STARD13: variants seen among roughly 807,000 people sequenced by gnomAD.
The protein encoded by STARD13 is stAR-related lipid transfer protein 13.
STARD13 carries 62 observed loss-of-function variants against 106.4 expected under a neutral mutation model. That is an observed-to-expected ratio of 0.58 (90% CI 0.48 to 0.72). The LOEUF is 0.72. STARD13 is among the 30% of genes least tolerant of loss of function. The probability of loss-of-function intolerance (pLI) is 0.00; values close to 1 mark genes in which losing one functional copy is unlikely to be tolerated. For synonymous variants in STARD13, 565 were observed against 553.0 expected, an observed-to-expected ratio of 1.02 and a Z score of -0.31; for missense variants, 1,387 against 1,424.0, an observed-to-expected ratio of 0.97 and a Z score of 0.42.
chr13:33,605,017 T>C, the STARD13 span, among the ~76,000 whole-genome samples: 1 of 151,728 alleles, frequency 6.6e-6, no homozygotes, highest in African/African-American at 2.4e-5. Context: ...CAAGGGAGGA[T>C]TGCTTGAGTC....
At chr13:33,215,433 T>C (rs544686725) in intron 1 of STARD13, among the ~76,000 whole-genome samples, 1 of 152,362 alleles carries the variant, frequency 6.6e-6, no homozygotes, top group South Asian at 2.1e-4. Flanking sequence ...CCTATAAACA[T>C]TCTTTCACTT....
At chr13:33,504,606 G>T in the STARD13 span, among the ~76,000 whole-genome samples, 36 of 125,166 alleles carry the variant, frequency 2.9e-4, no homozygotes, top group Admixed American at 3.4e-3. Flanking sequence ...GGCCTGTCAT[G>T]GGGTGGGGGG....
At chr13:33,547,675 C>T in the STARD13 span, among the ~76,000 whole-genome samples, 6 of 152,276 alleles carry the variant, frequency 3.9e-5, no homozygotes, top group Admixed American at 3.3e-4. Context: ...GCATTAAGTT[C>T]TTTTGAATAT....
the STARD13 span, among the ~76,000 whole-genome samples, chr13:33,377,445 G>A: frequency 6.6e-6 from 1 of 152,146 alleles, no homozygotes; most frequent in East Asian, 1.9e-4. Context: ...GAAGGTCAAA[G>A]GTCTTTTATC....
At chr13:33,390,873 C>T in the STARD13 span, among the ~76,000 whole-genome samples, 1 of 152,118 alleles carries the variant, frequency 6.6e-6, no homozygotes, top group Non-Finnish European at 1.5e-5. Flanking sequence ...CTTTTCTCCT[C>T]TAGATAAGTT....
At chr13:33,668,410 C>T in the STARD13 span, among the ~76,000 whole-genome samples, 1 of 152,104 alleles carries the variant, frequency 6.6e-6, no homozygotes, top group African/African-American at 2.4e-5. Context: ...TGGTGGTGGG[C>T]ATTGTGGGAG....
the STARD13 span, among the ~76,000 whole-genome samples, chr13:33,517,930 C>T: frequency 6.6e-6 from 1 of 151,726 alleles, no homozygotes; most frequent in Non-Finnish European, 1.5e-5. Context: ...TGTCTACCTA[C>T]TGGCTGCTCC....
At chr13:33,528,669 C>T in the STARD13 span, among the ~76,000 whole-genome samples, 1 of 152,182 alleles carries the variant, frequency 6.6e-6, no homozygotes, top group South Asian at 2.1e-4. Context: ...GCTAAATTAG[C>T]AAGAAAGACA....
At chr13:33,275,293 G>A (rs947277064) in intron 1 of STARD13, among the ~76,000 whole-genome samples, 5 of 152,226 alleles carry the variant, frequency 3.3e-5, no homozygotes, top group African/African-American at 1.2e-4. Flanking sequence ...GATACAAAGT[G>A]TATAACTTAC....
intron 1 of STARD13, among the ~76,000 whole-genome samples, chr13:33,235,017 C>A (rs912622485): frequency 6.6e-6 from 1 of 152,182 alleles, no homozygotes; most frequent in Admixed American, 6.5e-5. Context: ...TCAGAAAACT[C>A]CTTCCTCTGG....
At chr13:33,648,584 T>C in the STARD13 span, among the ~76,000 whole-genome samples, 11,389 of 152,150 alleles carry the variant, frequency 0.075, 950 homozygotes, top group Admixed American at 0.19. Flanking sequence ...TAATTTTCCT[T>C]CTTGCCTAGG....
chr13:33,117,672 T>C (rs981776783), intron 8 of STARD13: 1 of 944,334 alleles, frequency 1.1e-6, no homozygotes, highest in African/African-American at 1.8e-5. Context: ...TCATGTCACT[T>C]TGAATTTCCT....
At chr13:33,308,046 TA>T (rs1892977282) in intron 1 of STARD13, among the ~76,000 whole-genome samples, 1 of 152,152 alleles carries the variant, frequency 6.6e-6, no homozygotes, top group Non-Finnish European at 1.5e-5. Flanking sequence ...AAAGGGGCTA[TA>T]TTTGGAGAGA....
chr13:33,531,637 CTG>C, the STARD13 span, among the ~76,000 whole-genome samples: 1 of 152,146 alleles, frequency 6.6e-6, no homozygotes, highest in African/African-American at 2.4e-5. Context: ...GTCATTACCA[CTG>C]TGTTGGTCAT....
chr13:33,567,456 T>C, the STARD13 span, among the ~76,000 whole-genome samples: 6 of 148,346 alleles, frequency 4.0e-5, 2 homozygotes, highest in Admixed American at 2.8e-4. Flanking sequence ...ACTATTTAGA[T>C]CATGTACAGT....
chr13:33,499,580 TTCTTCTTCTTCTTCTTCTTCTTCTTTC>T, the STARD13 span, among the ~76,000 whole-genome samples: 1 of 70,028 alleles, frequency 1.4e-5, no homozygotes, highest in East Asian at 4.2e-4. Flanking sequence ...CTTCTTCTTC[TTCTTCTTCTTCTTCTTCTTCTTCTTTC>T]TTCTTCTTCT....
the STARD13 span, among the ~76,000 whole-genome samples, chr13:33,360,257 T>C: frequency 1.3e-5 from 2 of 151,886 alleles, no homozygotes; most frequent in Admixed American, 1.3e-4. Flanking sequence ...CAGGCTGTAG[T>C]GCCATGGCGC....
chr13:33,625,081 G>A, the STARD13 span, among the ~76,000 whole-genome samples: 2 of 152,202 alleles, frequency 1.3e-5, no homozygotes, highest in Non-Finnish European at 2.9e-5. Context: ...CCCTTCTGAG[G>A]GGCAGAGCAG....
chr13:33,477,368 T>C, the STARD13 span, among the ~76,000 whole-genome samples: 1 of 152,188 alleles, frequency 6.6e-6, no homozygotes, highest in Non-Finnish European at 1.5e-5. Context: ...AGGGGTCCCA[T>C]TAAGGGACAG....
Sources: allele counts gnomAD v4.1 joint callset (sites outside exome capture counted in the v4.1 genomes callset), GRCh38; gene constraint gnomAD v4.1.1; transcripts MANE v1.5; gene names NCBI Gene and HGNC (gene_info 2026-07-23, HGNC 2026-07-21).